Variants in SYT17 observed in about 807,000 individuals in gnomAD.
SYT17 encodes synaptotagmin 17.
SYT17 carries 22 observed loss-of-function variants against 46.7 expected under a neutral mutation model. The observed-to-expected ratio is 0.47, with a 90% CI of 0.34 to 0.67. The LOEUF (loss-of-function observed/expected upper bound fraction) is 0.67. Ranked by LOEUF, SYT17 falls within the 30% of genes least tolerant of loss-of-function variation. SYT17 has a pLI of 0.01. For missense variants in SYT17, 519 were observed against 612.8 expected, an observed-to-expected ratio of 0.85 and a Z score of 1.62; for synonymous variants, 251 against 248.4, an observed-to-expected ratio of 1.01 and a Z score of -0.10.
At chr16:19,230,404 TA>T (rs549703851) in intron 7 of SYT17, among the ~76,000 whole-genome samples, 4,370 of 140,868 alleles carry the variant, frequency 0.031, 71 homozygotes, top group Middle Eastern at 0.076. Flanking sequence ...TGAAACTCTT[TA>T]AAAAAAAAAA....
intron 5 of SYT17, among the ~76,000 whole-genome samples, chr16:19,203,728 A>G (rs75734499): frequency 0.039 from 5,962 of 152,276 alleles, 407 homozygotes; most frequent in African/African-American, 0.14. Flanking sequence ...TTTGCCTGGC[A>G]CAGGGTGGAG....
intron 7 of SYT17, among the ~76,000 whole-genome samples, chr16:19,248,821 C>CAACAAA (rs1165189895): frequency 1.3e-5 from 2 of 150,926 alleles, no homozygotes; most frequent in Non-Finnish European, 2.9e-5. Flanking sequence ...GACTCTGTCT[C>CAACAAA]AACAACAACA....
At chr16:19,213,268 C>A (rs1965973671) in intron 5 of SYT17, among the ~76,000 whole-genome samples, 1 of 152,200 alleles carries the variant, frequency 6.6e-6, no homozygotes, top group Non-Finnish European at 1.5e-5. Flanking sequence ...CTTGTCCCTG[C>A]TACTGTGTCC....
rs371509222 is a variant in SYT17 at position 19,183,931 on chromosome 16, C to G, written c.735C>G (p.Thr245=). Residue 245 remains threonine, a synonymous_variant, in exon 5 of 8, where the codon ACC becomes ACG. Coordinates refer to ENST00000355377, the MANE Select transcript of SYT17 (RefSeq NM_016524.4). The surrounding 1 kb of genome is among the most constrained non-coding windows in gnomAD (Gnocchi z 5.6). ...CAGACCAGAAGAACTCAAAGCAGACCGGGGTCAAACGCAAGACCCAGAAGC... is the reference window on the plus strand; with the variant it reads ...CAGACCAGAAGAACTCAAAGCAGACGGGGGTCAAACGCAAGACCCAGAAGC... ...LLPDQKNSKQ[T]GVKRKTQKPV... The G allele has an allele frequency of 7.4e-6, 12 of 1,614,230 alleles. No homozygotes were observed. In the South Asian group the frequency reaches 1.3e-4, roughly 18 times the overall value.
At chr16:19,240,943 T>C (rs1413834547) in intron 7 of SYT17, among the ~76,000 whole-genome samples, 1 of 133,386 alleles carries the variant, frequency 7.5e-6, no homozygotes, top group Non-Finnish European at 1.6e-5. Flanking sequence ...GCTCAGTTCT[T>C]TTTTTTTTTT....
intron 1 of SYT17, chr16:19,171,490 A>AT (rs1383912671): frequency 6.6e-6 from 1 of 151,878 alleles, no homozygotes; most frequent in East Asian, 1.9e-4. Flanking sequence ...CGCCTGGCTA[A>AT]TTTTTTGTAT....
intron 7 of SYT17, among the ~76,000 whole-genome samples, chr16:19,266,071 T>C (rs944784418): frequency 6.6e-6 from 1 of 152,232 alleles, no homozygotes; most frequent in Non-Finnish European, 1.5e-5. Context: ...CATTATTTCA[T>C]AGAAATTGCA....
chr16:19,232,107 G>A (rs941617166), intron 7 of SYT17, among the ~76,000 whole-genome samples: 3 of 152,182 alleles, frequency 2.0e-5, no homozygotes. Flanking sequence ...ACTTCAACCT[G>A]GGAGCTAAAA....
At chr16:19,260,415 T>C (rs953517925) in intron 7 of SYT17, among the ~76,000 whole-genome samples, 2 of 125,018 alleles carry the variant, frequency 1.6e-5, no homozygotes. Flanking sequence ...GAAGCTGAGG[T>C]AGGAGGATCA....
intron 7 of SYT17, among the ~76,000 whole-genome samples, chr16:19,256,556 CTATTATTATTAT>C (rs66644033): frequency 0.11 from 16,236 of 144,862 alleles, 2,075 homozygotes; most frequent in East Asian, 0.35. Flanking sequence ...ATGGGTGAGT[CTATTATTATTAT>C]TATTATTATT....
At chr16:19,242,710 G>A (rs1967222992) in intron 7 of SYT17, among the ~76,000 whole-genome samples, 1 of 151,584 alleles carries the variant, frequency 6.6e-6, no homozygotes, top group South Asian at 2.1e-4. Context: ...ACTTTTTTTT[G>A]TAGAGATGGG....
rs552678125 is a variant in SYT17 at position 19,188,949 on chromosome 16, C to T, written c.951+4802C>T. Among the ~76,000 whole-genome samples the T allele has an allele frequency of 2.4e-4, 37 of 151,058 alleles. 1 individual carries two copies. Among genetic ancestry groups the T allele is most frequent in the African/African-American group, 7.8e-4 (32 of 41,204 alleles). Reference sequence around the variant, plus strand: ...TCGCCCAGGCTGGAGTGCAGTGGTGCGATCTCGGTTCACTGCAAGCTCCGC... The same window carrying T: ...TCGCCCAGGCTGGAGTGCAGTGGTGTGATCTCGGTTCACTGCAAGCTCCGC... On this transcript the variant is annotated intron_variant, in intron 5 of 7. Transcript: ENST00000355377.
intron 5 of SYT17, among the ~76,000 whole-genome samples, chr16:19,214,086 C>A (rs1464418795): frequency 6.6e-6 from 1 of 152,144 alleles, no homozygotes; most frequent in Non-Finnish European, 1.5e-5. Flanking sequence ...CTACCCTATT[C>A]CCCAGTTATG....
rs374288899 is a variant in SYT17 at position 19,183,856 on chromosome 16, G to A, written c.660G>A (p.Ser220=). The change falls in exon 5 of 8, where the codon TCG becomes TCA. Residue 220 remains serine (S), a synonymous_variant. Coordinates refer to ENST00000355377, the MANE Select transcript of SYT17 (RefSeq NM_016524.4). This position sits in a 1 kb window ranked among gnomAD's most constrained non-coding sequence, Gnocchi z 5.6. ...CACCTCCCATCTCCCACGATGGCTC[G>A]CGCCAGGACATGGCGCACTCCAACC... The part of the protein sequence containing the change: ...DLPPPISHDG[S]RQDMAHSNPY... 45 of 1,614,024 alleles carry A rather than the reference G, an allele frequency of 2.8e-5. No individual in the cohort carries two copies. In the African/African-American group the frequency reaches 4.5e-4, roughly 16 times the overall value.
chr16:19,258,349 A>G (rs1003698435), intron 7 of SYT17, among the ~76,000 whole-genome samples: 9 of 152,080 alleles, frequency 5.9e-5, no homozygotes, highest in African/African-American at 1.9e-4. Context: ...GTCACAAGGG[A>G]GATAGAGGAG....
In SYT17 at chr16:19,244,720, G is replaced by C. The variant is rs552623384; in HGVS notation, c.1228+19882G>C. On this transcript the variant is annotated intron_variant, in intron 7 of 7. Transcript: ENST00000355377. The stretch of plus-strand genomic sequence containing the variant: ...CATGTGGTGATTCAGCGGCCCAGGC[G>C]CCTTCCATCTCATGGCTCTGCCATC... Among the ~76,000 whole-genome samples, 112 of 152,284 alleles carry C rather than the reference G, an allele frequency of 7.4e-4. No individual in the cohort carries two copies. In the South Asian group the frequency reaches 0.015, roughly 21 times the overall value.
At chr16:19,174,616 T>C (rs1252138423) in intron 3 of SYT17, among the ~76,000 whole-genome samples, 1 of 152,240 alleles carries the variant, frequency 6.6e-6, no homozygotes, top group African/African-American at 2.4e-5. Flanking sequence ...AAAATGGTTC[T>C]GTATCCAGGC....
At chr16:19,216,705 A>G (rs964523942) in intron 5 of SYT17, among the ~76,000 whole-genome samples, 3 of 152,182 alleles carry the variant, frequency 2.0e-5, no homozygotes, top group African/African-American at 7.2e-5. Flanking sequence ...CTGCAAAGAC[A>G]TGAACTCATC....
rs1031761686 is a variant in SYT17, at chr16:19,168,709, C to T, written c.15+48C>T. The T allele has an allele frequency of 2.8e-6, 4 of 1,434,570 alleles. No individual in the cohort carries two copies. The highest frequency in any genetic ancestry group is 1.9e-4 in the Middle Eastern group (1 of 5,252). The allele number at this position is 1,434,570 out of a possible 1,614,324, so 88.9% of individuals were successfully genotyped here. Reference sequence around the variant, plus strand: ...GGTCCGGGGTGCGGGTAGGGGGTGCCGCGCCCCCTCCGGCTGGGAGCGCGC... The same window carrying T: ...GGTCCGGGGTGCGGGTAGGGGGTGCTGCGCCCCCTCCGGCTGGGAGCGCGC... On this transcript the variant is annotated intron_variant, in intron 1 of 7. Transcript: ENST00000355377. This position sits in a 1 kb window ranked among gnomAD's most constrained non-coding sequence, Gnocchi z 6.9.
Sources: allele counts gnomAD v4.1 joint callset (sites outside exome capture counted in the v4.1 genomes callset), GRCh38; gene constraint gnomAD v4.1.1; non-coding constraint Gnocchi (gnomAD v3.1); transcripts MANE v1.5; gene names NCBI Gene and HGNC (gene_info 2026-07-23, HGNC 2026-07-21).